TUSC3: variants seen among roughly 807,000 people sequenced by gnomAD.
TUSC3 encodes the protein dolichyl-diphosphooligosaccharide--protein glycosyltransferase subunit TUSC3.
TUSC3 carries 45 observed loss-of-function variants against 44.8 expected under a neutral mutation model. The ratio of observed to expected loss-of-function variants is 1.00; its 90% CI spans 0.79 to 1.29. TUSC3 has a LOEUF of 1.29. Among genes scored for constraint, TUSC3 ranks in the 50% most tolerant of loss-of-function variants. The pLI, the probability that TUSC3 is intolerant of heterozygous loss-of-function variation, is 0.00. For synonymous variants in TUSC3, 212 were observed against 152.9 expected (o/e 1.39, Z -2.85); for missense variants, 519 against 437.9 (o/e 1.19, Z -1.65).
chr8:15,634,248 C>G (rs1026545610), intron 2 of TUSC3, among the ~76,000 whole-genome samples: 5 of 152,124 alleles, frequency 3.3e-5, no homozygotes, highest in African/African-American at 9.7e-5. Flanking sequence ...TTAAGAAACC[C>G]AGGTTGGCAG....
chr8:15,772,265 C>A, the TUSC3 span, among the ~76,000 whole-genome samples: 1 of 151,978 alleles, frequency 6.6e-6, no homozygotes. Context: ...AAAGTTGGTT[C>A]TTTGAAATAT....
intron 1 of TUSC3, among the ~76,000 whole-genome samples, chr8:15,446,180 C>A (rs1394758817): frequency 2.0e-5 from 3 of 149,112 alleles, no homozygotes; most frequent in Non-Finnish European, 4.4e-5. Flanking sequence ...GGCATCGGGG[C>A]AGAGGCGCTC....
At chr8:15,632,569 A>G (rs1022178606) in intron 2 of TUSC3, among the ~76,000 whole-genome samples, 2 of 152,140 alleles carry the variant, frequency 1.3e-5, no homozygotes, top group Admixed American at 1.3e-4. Flanking sequence ...AGATCAATTG[A>G]ATATCCTGTT....
intron 2 of TUSC3, among the ~76,000 whole-genome samples, chr8:15,486,385 G>T (rs1163926832): frequency 1.3e-5 from 2 of 152,090 alleles, no homozygotes; most frequent in Non-Finnish European, 2.9e-5. Flanking sequence ...CTGGTACTTG[G>T]TTTTAATATT....
intron 2 of TUSC3, among the ~76,000 whole-genome samples, chr8:15,514,269 A>G (rs1410360313): frequency 1.3e-5 from 2 of 152,196 alleles, no homozygotes; most frequent in South Asian, 4.1e-4. Flanking sequence ...TAAGCTGACA[A>G]AATAGATGTT....
intron 1 of TUSC3, among the ~76,000 whole-genome samples, chr8:15,443,336 T>TTGTGTGTGTGTGTGTG (rs57905950): frequency 7.5e-6 from 1 of 132,884 alleles, no homozygotes; most frequent in Non-Finnish European, 1.6e-5. Context: ...ACCCACCTAA[T>TTGTGTGTGTGTGTGTG]TGTGTGTGTG....
intron 2 of TUSC3, among the ~76,000 whole-genome samples, chr8:15,519,500 G>C (rs1041265623): frequency 6.6e-6 from 1 of 152,136 alleles, no homozygotes; most frequent in South Asian, 2.1e-4. Flanking sequence ...CACACAGCAG[G>C]AGGTGAGTGA....
intron 1 of TUSC3, among the ~76,000 whole-genome samples, chr8:15,575,138 C>G (rs1027472967): frequency 6.7e-6 from 1 of 148,538 alleles, no homozygotes; most frequent in Non-Finnish European, 1.5e-5. Context: ...ACATTATGAA[C>G]TGAATAATTT....
At chr8:15,433,472 A>G (rs966518854) in intron 1 of TUSC3, among the ~76,000 whole-genome samples, 1 of 152,168 alleles carries the variant, frequency 6.6e-6, no homozygotes, top group Non-Finnish European at 1.5e-5. Flanking sequence ...CAACCAAACT[A>G]TAGAAAATTG....
the TUSC3 span, among the ~76,000 whole-genome samples, chr8:15,845,610 G>C: frequency 3.9e-5 from 6 of 152,090 alleles, no homozygotes; most frequent in Non-Finnish European, 8.8e-5. Context: ...GGAGTGAATT[G>C]GGACCCCTGA....
chr8:15,524,764 T>A (rs1051771115), intron 2 of TUSC3, among the ~76,000 whole-genome samples: 7 of 152,228 alleles, frequency 4.6e-5, no homozygotes, highest in Non-Finnish European at 1.0e-4. Context: ...CATGAGCGCA[T>A]AGTGAAGTTT....
chr8:15,644,354 C>G (rs1434543079), intron 2 of TUSC3, among the ~76,000 whole-genome samples: 1 of 152,100 alleles, frequency 6.6e-6, no homozygotes, highest in South Asian at 2.1e-4. Context: ...GAAGTTAGGC[C>G]TTTACTATTA....
the TUSC3 span, among the ~76,000 whole-genome samples, chr8:15,840,974 G>T: frequency 1.3e-5 from 2 of 152,268 alleles, no homozygotes; most frequent in South Asian, 4.1e-4. Flanking sequence ...GTGGTTGCTA[G>T]AGGACATGTA....
At chr8:15,825,055 T>A in the TUSC3 span, among the ~76,000 whole-genome samples, 261 of 152,308 alleles carry the variant, frequency 1.7e-3, 2 homozygotes, top group African/African-American at 6.1e-3. Context: ...TAACTCAGCT[T>A]TGAACCATCT....
the TUSC3 span, among the ~76,000 whole-genome samples, chr8:15,784,218 A>G: frequency 1.3e-5 from 2 of 152,130 alleles, no homozygotes; most frequent in South Asian, 2.1e-4. Context: ...GGATGTGGAG[A>G]AAAGGGAACT....
At chr8:15,774,326 T>C in the TUSC3 span, among the ~76,000 whole-genome samples, 2 of 152,078 alleles carry the variant, frequency 1.3e-5, no homozygotes, top group Non-Finnish European at 2.9e-5. Flanking sequence ...TGTAATTAGT[T>C]AAGATGAGGT....
chr8:15,621,607 A>C (rs2129163552), intron 1 of TUSC3, among the ~76,000 whole-genome samples: 1 of 148,000 alleles, frequency 6.8e-6, no homozygotes, highest in African/African-American at 2.4e-5. Flanking sequence ...TTATATATAT[A>C]AATTATACAT....
chr8:15,508,182 G>T (rs140972001), intron 2 of TUSC3, among the ~76,000 whole-genome samples: 2 of 152,298 alleles, frequency 1.3e-5, no homozygotes, highest in South Asian at 2.1e-4. Context: ...AGAGGTTGCA[G>T]TGAGCCGATT....
At chr8:15,676,822 T>G (rs1287125132) in intron 6 of TUSC3, among the ~76,000 whole-genome samples, 1 of 152,168 alleles carries the variant, frequency 6.6e-6, no homozygotes, top group Non-Finnish European at 1.5e-5. Context: ...TTCCTGCATA[T>G]TTTGCAGCTA....
Sources: allele counts gnomAD v4.1 joint callset (sites outside exome capture counted in the v4.1 genomes callset), GRCh38; gene constraint gnomAD v4.1.1; transcripts MANE v1.5; gene names NCBI Gene and HGNC (gene_info 2026-07-23, HGNC 2026-07-21).